USH2A: variants seen among roughly 807,000 people sequenced by gnomAD.
USH2A encodes the protein usherin, also known as Usher syndrome 2A (autosomal recessive, mild).
A neutral mutation model predicts 538.9 loss-of-function variants in USH2A; 443 were observed. The ratio of observed to expected loss-of-function variants is 0.82; its 90% CI spans 0.76 to 0.89. The LOEUF is 0.89. USH2A is among the 40% of genes least tolerant of loss of function. The pLI, the probability that USH2A is intolerant of heterozygous loss-of-function variation, is 0.00. For synonymous variants in USH2A, 2,413 were observed against 2,273.5 expected, an observed-to-expected ratio of 1.06 and a Z score of -1.75; for missense variants, 6,633 against 6,324.8, an observed-to-expected ratio of 1.05 and a Z score of -1.65.
At chr1:215,783,931 A>T (rs530519479) in intron 52 of USH2A, among the ~76,000 whole-genome samples, 1 of 152,304 alleles carries the variant, frequency 6.6e-6, no homozygotes, top group East Asian at 1.9e-4. Context: ...ACATCTCCTT[A>T]CAATAAACCC....
At chr1:215,660,952 A>T (rs1453175791) in intron 64 of USH2A, among the ~76,000 whole-genome samples, 2 of 152,202 alleles carry the variant, frequency 1.3e-5, no homozygotes, top group Non-Finnish European at 2.9e-5. Context: ...TGCAGATTAG[A>T]TTGCTTCATA....
intron 60 of USH2A, among the ~76,000 whole-genome samples, chr1:215,732,627 C>T (rs532065427): frequency 6.9e-5 from 10 of 145,962 alleles, no homozygotes; most frequent in South Asian, 6.5e-4. Flanking sequence ...CTGCAAGCTC[C>T]GCCTCCCAGG....
chr1:216,277,694 T>C (rs917111461), intron 11 of USH2A, among the ~76,000 whole-genome samples: 1 of 152,164 alleles, frequency 6.6e-6, no homozygotes, highest in African/African-American at 2.4e-5. Context: ...AGCTAGAGAC[T>C]ACATGTCTTC....
At chr1:216,220,659 G>A (rs2035438981) in intron 14 of USH2A, among the ~76,000 whole-genome samples, 1 of 151,942 alleles carries the variant, frequency 6.6e-6, no homozygotes, top group African/African-American at 2.4e-5. Flanking sequence ...ACTCCTGGAT[G>A]TAAATTCATA....
At chr1:216,252,333 C>A (rs1307581915) in intron 11 of USH2A, among the ~76,000 whole-genome samples, 2 of 152,206 alleles carry the variant, frequency 1.3e-5, no homozygotes, top group Non-Finnish European at 2.9e-5. Context: ...ATTTTCCCCA[C>A]TGATTTTCTT....
intron 18 of USH2A, 35 bp from the exon 19 acceptor site, chr1:216,196,757 A>C (rs2034856305): frequency 6.3e-7 from 1 of 1,599,324 alleles, no homozygotes; most frequent in African/African-American, 1.3e-5. Flanking sequence ...ACATCAAAAC[A>C]ATGAATGTCG....
At chr1:215,647,467 TCTC>T (rs780334491) in intron 67 of USH2A, 52 bp downstream of exon 67, 134 of 1,609,050 alleles carry the variant, frequency 8.3e-5, no homozygotes, top group Non-Finnish European at 1.1e-4. Context: ...AGGGCAAGCT[TCTC>T]CTGACCACAT....
chr1:216,224,589 G>C (rs2035524769), intron 14 of USH2A, among the ~76,000 whole-genome samples: 1 of 152,090 alleles, frequency 6.6e-6, no homozygotes, highest in Non-Finnish European at 1.5e-5. Context: ...TTCCAGCTTG[G>C]TCACAAAAAG....
At chr1:215,829,037 A>C (rs950974485) in intron 47 of USH2A, among the ~76,000 whole-genome samples, 1 of 152,210 alleles carries the variant, frequency 6.6e-6, no homozygotes, top group African/African-American at 2.4e-5. Context: ...AAATCCACCA[A>C]GACAAATAAA....
intron 4 of USH2A, among the ~76,000 whole-genome samples, chr1:216,360,803 G>A (rs1189683079): frequency 6.6e-6 from 1 of 152,014 alleles, no homozygotes; most frequent in Non-Finnish European, 1.5e-5. Flanking sequence ...ACATTGCTGG[G>A]AGAAATCAAG....
chr1:216,365,074 T>C lies in USH2A; in HGVS notation c.663A>G (p.Thr221=), dbSNP rs557350284. 4 of 1,613,024 alleles carry C rather than the reference T, an allele frequency of 2.5e-6. No individual in the cohort carries two copies. The highest frequency in any genetic ancestry group is 2.7e-5 in the African/African-American group (2 of 75,032). Residue 221 remains threonine, a synonymous_variant, in exon 4 of 72, where the codon ACA becomes ACG. Transcript: ENST00000307340. ...WIHLSVQVHQ[T]KISFFINGVE... is the part of the protein sequence containing the mutation. ...CGCCATTGATAAAGAAGCTGATTTTTGTCTGATGCACCTGTAAGAAATTAC... is the reference window on the plus strand; with the variant it reads ...CGCCATTGATAAAGAAGCTGATTTTCGTCTGATGCACCTGTAAGAAATTAC...
chr1:215,895,092 A>G (rs1161710875), intron 40 of USH2A, among the ~76,000 whole-genome samples: 2 of 152,160 alleles, frequency 1.3e-5, no homozygotes, highest in Admixed American at 1.3e-4. Flanking sequence ...CAGACAGAGG[A>G]AATCTCAAGG....
At chr1:215,709,668 A>C (rs1252032876) in intron 61 of USH2A, among the ~76,000 whole-genome samples, 3 of 126,172 alleles carry the variant, frequency 2.4e-5, no homozygotes, top group Non-Finnish European at 5.2e-5. Flanking sequence ...AAAAAAAAAA[A>C]AACTCATTCC....
rs940913250 is a variant in USH2A, at chr1:216,078,218, T to C, written c.5443A>G (p.Ser1815Gly). ...GCATGCTTCATCAGTCCATTCACAC[T>C]TGCTGATATGAAAGAGCCTTCCTTT... is the stretch of plus-strand genomic sequence containing the variant. ...IKKEGSFISASVNGLMKHASE... is the reference protein window; with the variant it reads ...IKKEGSFISAGVNGLMKHASE... Residue 1815 changes from serine (S) to glycine (G), a missense_variant, in exon 27 of 72, where the codon AGT becomes GGT. Transcript: ENST00000307340. 1.8e-5 allele frequency: 29 copies of C among 1,613,706 alleles called. No homozygotes were observed. Among genetic ancestry groups the C allele is most frequent in the Non-Finnish European group, 2.5e-5 (29 of 1,179,788 alleles).
intron 58 of USH2A, among the ~76,000 whole-genome samples, chr1:215,756,870 A>T (rs1660809834): frequency 6.6e-6 from 1 of 151,942 alleles, no homozygotes; most frequent in Non-Finnish European, 1.5e-5. Context: ...CTGAGATTGC[A>T]CCACTGCACT....
intron 30 of USH2A, among the ~76,000 whole-genome samples, chr1:216,051,057 T>G (rs1340894033): frequency 6.6e-6 from 1 of 152,202 alleles, no homozygotes; most frequent in Non-Finnish European, 1.5e-5. Context: ...CTTTGTTTCC[T>G]TTACTGACTC....
intron 20 of USH2A, among the ~76,000 whole-genome samples, chr1:216,179,130 T>C (rs902970106): frequency 6.6e-6 from 1 of 152,110 alleles, no homozygotes; most frequent in African/African-American, 2.4e-5. Context: ...GGAGATAATG[T>C]TGAAGCTCAG....
chr1:215,640,683 C>A lies in USH2A; in HGVS notation c.14843G>T (p.Cys4948Phe). The A allele has an allele frequency of 6.2e-7, 1 of 1,613,922 alleles. No individual in the cohort carries two copies. Among genetic ancestry groups the A allele is most frequent in the Non-Finnish European group, 8.5e-7 (1 of 1,179,990 alleles). ...FSVDSNLSVV[C>F]VNWSDTFLLN... The stretch of plus-strand genomic sequence containing the variant: ...GAGGAAGGTGTCACTCCAGTTCACA[C>A]ACACCACAGACAAATTGCTGTCCAC... Residue 4948 changes from cysteine (C) to phenylalanine (F), a missense_variant, in exon 68 of 72, where the codon TGT (cysteine) becomes TTT (phenylalanine). Cys to Phe is a radical substitution (Grantham distance 205). Coordinates refer to ENST00000307340, the MANE Select transcript of USH2A (RefSeq NM_206933.4).
chr1:216,243,533 G>A (rs2035975488), intron 13 of USH2A, among the ~76,000 whole-genome samples: 1 of 152,070 alleles, frequency 6.6e-6, no homozygotes, highest in African/African-American at 2.4e-5. Context: ...TTGCAGTGAG[G>A]TATGGATATA....
Sources: allele counts gnomAD v4.1 joint callset (sites outside exome capture counted in the v4.1 genomes callset), GRCh38; gene constraint gnomAD v4.1.1; transcripts MANE v1.5; gene names NCBI Gene and HGNC (gene_info 2026-07-23, HGNC 2026-07-21).